Variants in GPHN observed in about 807,000 individuals in gnomAD.
The protein encoded by GPHN is gephyrin.
Under a neutral mutation model 95.5 loss-of-function variants are expected in GPHN, and 17 were observed. That is an observed-to-expected ratio of 0.18 (90% CI 0.12 to 0.27). The LOEUF is 0.27. Among genes scored for constraint, GPHN ranks in the 10% least tolerant of loss-of-function variants. The probability of loss-of-function intolerance (pLI) is 1.00; values close to 1 mark genes in which losing one functional copy is unlikely to be tolerated. For missense variants in GPHN, 660 were observed against 978.1 expected, an observed-to-expected ratio of 0.67 and a Z score of 4.34; for synonymous variants, 320 against 322.5, an observed-to-expected ratio of 0.99 and a Z score of 0.08.
intron 20 of GPHN, among the ~76,000 whole-genome samples, chr14:67,168,080 C>T (rs573861970): frequency 5.3e-4 from 81 of 152,276 alleles, no homozygotes; most frequent in Middle Eastern, 3.4e-3. Flanking sequence ...GACTGGGTAG[C>T]TGAAACAACA....
intron 10 of GPHN, among the ~76,000 whole-genome samples, chr14:67,052,868 G>A (rs561749326): frequency 2.0e-4 from 30 of 152,158 alleles, no homozygotes; most frequent in South Asian, 1.0e-3. Flanking sequence ...ACGAAATCAA[G>A]GCAGAAATCA....
intron 1 of GPHN, among the ~76,000 whole-genome samples, chr14:66,672,329 C>A (rs1014784733): frequency 6.6e-6 from 1 of 152,048 alleles, no homozygotes; most frequent in Admixed American, 6.6e-5. Context: ...AAGATGTGAA[C>A]GTGGTCCTTT....
chr14:66,883,957 C>T (rs1244598663), intron 5 of GPHN, among the ~76,000 whole-genome samples: 1 of 152,026 alleles, frequency 6.6e-6, no homozygotes, highest in Non-Finnish European at 1.5e-5. Context: ...AAGAATTTTC[C>T]CCTCACTCTC....
At chr14:66,880,077 C>T in intron 5 of GPHN, 44 bp downstream of exon 5, 1 of 1,172,918 alleles carries the variant, frequency 8.5e-7, no homozygotes, top group Non-Finnish European at 1.3e-6. Flanking sequence ...GCTAGGTGAA[C>T]TGTTTCCGTG....
chr14:67,572,196 A>C, the GPHN span: 1 of 1,608,850 alleles, frequency 6.2e-7, no homozygotes, highest in Non-Finnish European at 8.5e-7. Flanking sequence ...ACGCCTGCTC[A>C]CTGGACAGTG....
intron 1 of GPHN, among the ~76,000 whole-genome samples, chr14:66,624,475 G>T (rs1325558808): frequency 1.3e-5 from 2 of 152,184 alleles, no homozygotes; most frequent in Non-Finnish European, 2.9e-5. Context: ...AAACGGTTGG[G>T]TCTGGTTCTC....
At chr14:66,944,508 C>T (rs2067625706) in intron 8 of GPHN, among the ~76,000 whole-genome samples, 1 of 152,180 alleles carries the variant, frequency 6.6e-6, no homozygotes, top group Non-Finnish European at 1.5e-5. Flanking sequence ...AATAACAAAT[C>T]CTTTTTCACA....
chr14:67,649,898 T>C, the GPHN span: 1 of 152,190 alleles, frequency 6.6e-6, no homozygotes, highest in Non-Finnish European at 1.5e-5. Context: ...TTAAATTCTA[T>C]AGAGAAGTGA....
intron 10 of GPHN, among the ~76,000 whole-genome samples, chr14:67,025,016 G>T (rs929789045): frequency 1.3e-5 from 2 of 152,040 alleles, no homozygotes; most frequent in South Asian, 4.1e-4. Context: ...AAATTCCTCT[G>T]AGCCCCTTTG....
the GPHN span, among the ~76,000 whole-genome samples, chr14:67,357,474 G>A: frequency 2.4e-4 from 37 of 152,202 alleles, no homozygotes; most frequent in African/African-American, 8.9e-4. Context: ...TCAGCAAGCT[G>A]AGAGCTTTCA....
At chr14:66,826,017 A>C (rs2061374016) in intron 4 of GPHN, among the ~76,000 whole-genome samples, 1 of 152,158 alleles carries the variant, frequency 6.6e-6, no homozygotes, top group South Asian at 2.1e-4. Flanking sequence ...TGCTGTCTTA[A>C]GTGTTTTAGT....
chr14:67,241,898 C>A, the GPHN span: 1 of 152,034 alleles, frequency 6.6e-6, no homozygotes, highest in Admixed American at 6.5e-5. Context: ...GCGGGACTCT[C>A]CCGGCCGGGT....
At chr14:67,200,896 G>A in the GPHN span, among the ~76,000 whole-genome samples, 2 of 152,146 alleles carry the variant, frequency 1.3e-5, no homozygotes, top group Non-Finnish European at 1.5e-5. Context: ...TGCCCCCATC[G>A]TAATTTGATA....
chr14:66,945,092 T>C (rs1322855845), intron 8 of GPHN, among the ~76,000 whole-genome samples: 1 of 152,138 alleles, frequency 6.6e-6, no homozygotes, highest in East Asian at 1.9e-4. Context: ...AAAAATGTTG[T>C]AGAAAAAAAA....
chr14:67,573,744 G>T, the GPHN span: 1 of 1,097,576 alleles, frequency 9.1e-7, no homozygotes, highest in Non-Finnish European at 1.4e-6. The surrounding 1 kb of genome is among the most constrained non-coding windows in gnomAD (Gnocchi z 4.8). Flanking sequence ...GGGTAAATGA[G>T]GTGCTCCGGA....
At chr14:67,354,252 T>C in the GPHN span, among the ~76,000 whole-genome samples, 1 of 152,254 alleles carries the variant, frequency 6.6e-6, no homozygotes, top group African/African-American at 2.4e-5. Flanking sequence ...ATATCTGGAA[T>C]ATTTATTAAA....
the GPHN span, among the ~76,000 whole-genome samples, chr14:67,275,003 C>T: frequency 6.6e-6 from 1 of 152,202 alleles, no homozygotes; most frequent in Non-Finnish European, 1.5e-5. Context: ...AGTTGCTTAT[C>T]AGCTTGAGAT....
the GPHN span, chr14:67,587,133 C>CG: frequency 6.2e-7 from 1 of 1,613,526 alleles, no homozygotes; most frequent in South Asian, 1.1e-5. Context: ...CAACTGTGAA[C>CG]CCCCCCACCA....
At chr14:66,629,624 A>T (rs979753757) in intron 1 of GPHN, among the ~76,000 whole-genome samples, 1 of 152,152 alleles carries the variant, frequency 6.6e-6, no homozygotes, top group Non-Finnish European at 1.5e-5. Flanking sequence ...TGTAGTGTAC[A>T]TAATTGTGCT....
Sources: gnomAD v4.1 joint callset for allele counts (sites outside exome capture counted in the v4.1 genomes callset) on GRCh38, gnomAD v4.1.1 for gene constraint, Gnocchi (gnomAD v3.1) non-coding constraint, MANE v1.5 for transcripts, NCBI Gene and HGNC (gene_info 2026-07-23, HGNC 2026-07-21) for gene names.